WDR19: variants seen among roughly 807,000 people sequenced by gnomAD.
The protein encoded by WDR19 is WD repeat-containing protein 19.
In WDR19, 121 loss-of-function variants were observed where a neutral mutation model predicts 180.0. The observed-to-expected ratio is 0.67, with a 90% CI of 0.58 to 0.78. The LOEUF (loss-of-function observed/expected upper bound fraction) is 0.78. WDR19 is among the 30% of genes least tolerant of loss of function. WDR19 has a pLI of 0.00. For missense variants in WDR19, 1,450 were observed against 1,640.7 expected, an observed-to-expected ratio of 0.88 and a Z score of 2.01; for synonymous variants, 497 against 540.7, an observed-to-expected ratio of 0.92 and a Z score of 1.12.
At chr4:39,263,366 C>A (rs1245193186) in intron 28 of WDR19, among the ~76,000 whole-genome samples, 1 of 152,180 alleles carries the variant, frequency 6.6e-6, no homozygotes, top group Non-Finnish European at 1.5e-5. Flanking sequence ...TATTATACTA[C>A]GTCTTTCTGG....
chr4:39,245,526 A>G (rs1732432675), intron 24 of WDR19, 74 bp downstream of exon 24: 3 of 1,473,030 alleles, frequency 2.0e-6, no homozygotes, highest in Non-Finnish European at 2.8e-6. Flanking sequence ...GATATTTGCA[A>G]CCCTGTAAGA....
At chr4:39,198,550 G>A (rs1303754808) in intron 5 of WDR19, among the ~76,000 whole-genome samples, 4 of 149,324 alleles carry the variant, frequency 2.7e-5, no homozygotes, top group Non-Finnish European at 4.4e-5. Flanking sequence ...GACAGAGCGA[G>A]ACTCCGTCTC....
Position 39,203,672 on chromosome 4 carries a change from CA to C in WDR19, c.554del (p.Gln185ArgfsTer4), listed in dbSNP as rs780411661. Reference protein sequence around the residue: ...TQVRSEPSNMQFFLMKMDDRT... With the variant: ...TQVRSEPSNMXFFLMKMDDRT... ...AGTGAGATCAGAGCCTAGCAACATG[CA>C]GTTTTTCTTGATGAAGATGGATGAC... On this transcript the variant is annotated frameshift_variant, in exon 7 of 37. Transcript: ENST00000399820. LOFTEE classifies it high-confidence loss of function. 6.2e-7 allele frequency: 1 copy of C among 1,612,916 alleles called. No individual in the cohort carries two copies. The highest frequency in any genetic ancestry group is 8.5e-7 in the Non-Finnish European group (1 of 1,179,498).
chr4:39,271,052 A>G (rs998685964), intron 31 of WDR19, among the ~76,000 whole-genome samples: 28 of 151,654 alleles, frequency 1.8e-4, no homozygotes, highest in Non-Finnish European at 1.0e-4. Flanking sequence ...ATGCCACCAC[A>G]CCCGGCTAAT....
At position 39,259,187 on chromosome 4, in the gene WDR19, G is replaced by C. The variant is rs146204268; in HGVS notation, c.3183+1633G>C. Among the ~76,000 whole-genome samples the C allele has an allele frequency of 1.5e-3, 229 of 152,280 alleles. 1 individual carries two copies. The highest frequency in any genetic ancestry group is 5.2e-3 in the African/African-American group (217 of 41,554). ...TCTCATTTAGGCTTATGCCCATCCC[G>C]AGTTAATTAGGTATATGGTGTAAGG... On this transcript the variant is annotated intron_variant, in intron 28 of 36. Transcript: ENST00000399820.
intron 26 of WDR19, 66 bp downstream of exon 26, chr4:39,254,096 A>T (rs1733526325): frequency 6.6e-7 from 1 of 1,522,502 alleles, no homozygotes; most frequent in African/African-American, 1.4e-5. Context: ...GTCTCTTATG[A>T]TCTAATTATC....
chr4:39,258,239 G>T (rs371196189), intron 28 of WDR19, among the ~76,000 whole-genome samples: 1 of 151,798 alleles, frequency 6.6e-6, no homozygotes, highest in Admixed American at 6.6e-5. Context: ...TGCAACCTCC[G>T]CCTTCCAGTT....
Position 39,258,747 on chromosome 4 carries a change from G to A in WDR19, c.3183+1193G>A, listed in dbSNP as rs561942949. ...TGGCTTGCCTTTTTATTCTCTTGAC[G>A]AACATAAATTCTTAACTTTTAATAA... On this transcript the variant is annotated intron_variant, in intron 28 of 36. Transcript: ENST00000399820. Among the ~76,000 whole-genome samples the A allele has an allele frequency of 3.3e-5, 5 of 152,096 alleles. No individual in the cohort carries two copies. The South Asian group carries it at 6.2e-4, about 19-fold the overall frequency.
At chr4:39,185,219 G>T (rs1463433430) in intron 1 of WDR19, among the ~76,000 whole-genome samples, 1 of 152,128 alleles carries the variant, frequency 6.6e-6, no homozygotes, top group East Asian at 1.9e-4. Context: ...TATTCACCCA[G>T]TAGCCAAGTT....
rs774671201 is a variant in WDR19 at position 39,198,997 on chromosome 4, C to CA, written c.407-464dup. Among the ~76,000 whole-genome samples, 692 of 87,276 alleles carry CA rather than the reference C, an allele frequency of 7.9e-3. 4 individuals carry two copies. Among genetic ancestry groups the CA allele is most frequent in the Middle Eastern group, 0.022 (3 of 134 alleles). 57.3% of individuals were successfully genotyped at this position (87,276 alleles called of 152,430 possible). A position where few individuals can be genotyped will look rare whatever the true frequency, so the allele number is the denominator to read the frequency against. ...TGGGCAAGAGAGTGAGACTCTGTCT[C>CA]AAAAAAAAAAAAAAAAAGAATTAGC... On this transcript the variant is annotated intron_variant, in intron 5 of 36. Transcript: ENST00000399820.
At chr4:39,199,675 C>A in intron 6 of WDR19, 82 bp downstream of exon 6, 1 of 1,152,016 alleles carries the variant, frequency 8.7e-7, no homozygotes, top group Non-Finnish European at 1.3e-6. Flanking sequence ...CTAATCTATA[C>A]AATTTTTAAA....
chr4:39,193,409 C>T (rs1451865878), intron 4 of WDR19, among the ~76,000 whole-genome samples: 1 of 152,108 alleles, frequency 6.6e-6, no homozygotes, highest in Non-Finnish European at 1.5e-5. Context: ...CTGTCCACCT[C>T]GGCCTCCCAA....
chr4:39,276,836 A>C, intron 33 of WDR19, 184 bp from the exon 34 acceptor site: 1 of 655,952 alleles, frequency 1.5e-6, no homozygotes, highest in Non-Finnish European at 2.5e-6. Context: ...AATCCTAGGT[A>C]CTCTTCCTCC....
At chr4:39,199,432 T>C (rs958033227) in intron 5 of WDR19, 46 bp from the exon 6 acceptor site, 8 of 1,472,460 alleles carry the variant, frequency 5.4e-6, no homozygotes, top group African/African-American at 1.4e-5. Context: ...CAGATTTTTT[T>C]CTTTGAGAAA....
intron 2 of WDR19, among the ~76,000 whole-genome samples, chr4:39,186,046 A>C (rs1324481188): frequency 6.6e-6 from 1 of 152,164 alleles, no homozygotes; most frequent in Non-Finnish European, 1.5e-5. Flanking sequence ...TATGACAGGA[A>C]AAGGAATATA....
In WDR19 at chr4:39,278,122, T is replaced by C; in HGVS notation, c.3841-9T>C. The C allele has an allele frequency of 6.3e-7, 1 of 1,595,502 alleles. No individual in the cohort carries two copies. Among genetic ancestry groups the C allele is most frequent in the South Asian group, 1.1e-5 (1 of 87,474 alleles). On this transcript the variant is annotated splice_polypyrimidine_tract_variant and intron_variant, in intron 34 of 36. Coordinates refer to ENST00000399820, the MANE Select transcript of WDR19 (RefSeq NM_025132.4). ...AGATGAATTTAACTCTTAAACATCC[T>C]GTTTCCAGGGTCGACACATGTTGAA...
Position 39,267,928 on chromosome 4 carries a change from A to G in WDR19, c.3262-67A>G, listed in dbSNP as rs924877942. The G allele has an allele frequency of 7.7e-6, 11 of 1,424,412 alleles. No individual in the cohort carries two copies. In the African/African-American group the frequency reaches 1.1e-4, roughly 15 times the overall value. The allele number at this position is 1,424,412 out of a possible 1,614,324, so 88.2% of individuals were successfully genotyped here. A position where few individuals can be genotyped will look rare whatever the true frequency, so the allele number is the denominator to read the frequency against. ...GCAGATGAATGTGATTCTAACTGCAATACAAAAATGTAATCTCCCCTTAGC... is the reference window on the plus strand; with the variant it reads ...GCAGATGAATGTGATTCTAACTGCAGTACAAAAATGTAATCTCCCCTTAGC... On this transcript the variant is annotated intron_variant, in intron 29 of 36. Transcript: ENST00000399820.
chr4:39,209,690 T>G (rs1372382957), intron 9 of WDR19, among the ~76,000 whole-genome samples: 4 of 136,338 alleles, frequency 2.9e-5, no homozygotes, highest in African/African-American at 8.2e-5. Flanking sequence ...CCAGCCTCAG[T>G]GACAGAGCGA....
intron 4 of WDR19, among the ~76,000 whole-genome samples, chr4:39,190,426 A>T (rs1305261354): frequency 1.3e-5 from 2 of 152,234 alleles, no homozygotes; most frequent in Non-Finnish European, 2.9e-5. Flanking sequence ...CCAATATGGA[A>T]AAGAAAAACT....
Sources: gnomAD v4.1 joint callset for allele counts (sites outside exome capture counted in the v4.1 genomes callset) on GRCh38, gnomAD v4.1.1 for gene constraint, MANE v1.5 for transcripts, NCBI Gene and HGNC (gene_info 2026-07-23, HGNC 2026-07-21) for gene names.